Variants in STXBP6 observed in about 807,000 individuals in gnomAD.
STXBP6 encodes syntaxin-binding protein 6.
A neutral mutation model predicts 26.9 loss-of-function variants in STXBP6; 21 were observed. The observed-to-expected ratio is 0.78, with a 90% CI of 0.55 to 1.12. The LOEUF is 1.12. Ranked by LOEUF, STXBP6 falls within the 50% of genes most tolerant of loss-of-function variation. The pLI is 0.00. For missense variants in STXBP6, 232 were observed against 257.9 expected (o/e 0.90, Z 0.69); for synonymous variants, 97 against 92.6 (o/e 1.05, Z -0.27).
At chr14:25,040,059 T>A (rs554125360) in intron 1 of STXBP6, among the ~76,000 whole-genome samples, 7 of 152,160 alleles carry the variant, frequency 4.6e-5, no homozygotes, top group Non-Finnish European at 8.8e-5. Context: ...ACATAAAGGT[T>A]TAGAGGCACC....
At chr14:24,917,355 A>G (rs1288751542) in intron 2 of STXBP6, among the ~76,000 whole-genome samples, 1 of 152,098 alleles carries the variant, frequency 6.6e-6, no homozygotes, top group Admixed American at 6.6e-5. Flanking sequence ...GGACAGAAGG[A>G]TCACTGTAAC....
chr14:24,973,247 C>T (rs536443363), intron 2 of STXBP6, among the ~76,000 whole-genome samples: 7 of 152,268 alleles, frequency 4.6e-5, no homozygotes, highest in East Asian at 1.9e-4. Context: ...CACTGCTTAG[C>T]GCACTAAAGA....
At chr14:24,929,589 G>A (rs2139883003) in intron 2 of STXBP6, among the ~76,000 whole-genome samples, 1 of 152,336 alleles carries the variant, frequency 6.6e-6, no homozygotes, top group Admixed American at 6.5e-5. Flanking sequence ...ATAAACATTT[G>A]TCTGGTTTCC....
At chr14:24,977,143 C>T (rs2074070272) in intron 1 of STXBP6, among the ~76,000 whole-genome samples, 1 of 152,038 alleles carries the variant, frequency 6.6e-6, no homozygotes, top group African/African-American at 2.4e-5. Flanking sequence ...GGATTACAGG[C>T]ATGAGCCACC....
At chr14:24,899,014 T>C (rs1040806723) in intron 2 of STXBP6, among the ~76,000 whole-genome samples, 2 of 147,958 alleles carry the variant, frequency 1.4e-5, no homozygotes, top group African/African-American at 5.3e-5. Context: ...TCCCCAGAGG[T>C]TGGGGGTGGG....
chr14:25,049,565 C>T lies in STXBP6; in HGVS notation c.-33+313G>A. The T allele has an allele frequency of 1.0e-6, 1 of 985,500 alleles. No individual in the cohort carries two copies. Among genetic ancestry groups the T allele is most frequent in the Non-Finnish European group, 1.2e-6 (1 of 830,028 alleles). 61.0% of individuals were successfully genotyped at this position (985,500 alleles called of 1,614,324 possible). On this transcript the variant is annotated intron_variant, in intron 1 of 5. Transcript: ENST00000323944. The surrounding 1 kb of genome is among the most constrained non-coding windows in gnomAD (Gnocchi z 5.6). ...GCGGAAAAAAAGGCTCCATCCTCAA[C>T]TTTCTCGGAGGAAATCGCTCCGTTC...
chr14:24,898,611 A>G (rs1384027221), intron 2 of STXBP6, among the ~76,000 whole-genome samples: 1 of 152,164 alleles, frequency 6.6e-6, no homozygotes, highest in East Asian at 1.9e-4. Flanking sequence ...CAGGAAGCAG[A>G]GGTTGCAGTG....
intron 1 of STXBP6, among the ~76,000 whole-genome samples, chr14:25,011,446 T>C (rs1465449649): frequency 6.6e-6 from 1 of 152,230 alleles, no homozygotes; most frequent in Non-Finnish European, 1.5e-5. Flanking sequence ...ACACACTTCC[T>C]TTTCTCATGA....
intron 1 of STXBP6, chr14:24,995,026 A>C (rs1449782374): frequency 6.3e-6 from 1 of 158,284 alleles, no homozygotes; most frequent in Non-Finnish European, 1.4e-5. Context: ...AAAAAAAAAA[A>C]AAAACCACAC....
At chr14:24,868,402 C>T (rs2069800699) in intron 2 of STXBP6, among the ~76,000 whole-genome samples, 3 of 152,098 alleles carry the variant, frequency 2.0e-5, no homozygotes, top group African/African-American at 7.2e-5. Context: ...AGATATTATA[C>T]ACCTATTATT....
intron 4 of STXBP6, among the ~76,000 whole-genome samples, chr14:24,823,879 T>G (rs1316723763): frequency 2.0e-5 from 3 of 152,340 alleles, no homozygotes; most frequent in Admixed American, 1.3e-4. Context: ...ATATTTAATC[T>G]GTTTATAGGC....
intron 2 of STXBP6, among the ~76,000 whole-genome samples, chr14:24,967,170 T>C (rs938831663): frequency 1.3e-5 from 2 of 152,204 alleles, no homozygotes; most frequent in African/African-American, 4.8e-5. Context: ...AGTTTCCTCA[T>C]CTACAAATAA....
chr14:25,015,935 T>C (rs529578751), intron 1 of STXBP6, among the ~76,000 whole-genome samples: 1 of 152,218 alleles, frequency 6.6e-6, no homozygotes, highest in Non-Finnish European at 1.5e-5. Context: ...AGTGTGAACT[T>C]TGAACCAACT....
chr14:25,042,087 A>C (rs1011668246), intron 1 of STXBP6, among the ~76,000 whole-genome samples: 7 of 152,240 alleles, frequency 4.6e-5, no homozygotes, highest in African/African-American at 1.7e-4. Flanking sequence ...AAGAAAGAGG[A>C]TCCATCAACT....
chr14:25,009,235 TA>T (rs1478674577), intron 1 of STXBP6, among the ~76,000 whole-genome samples: 1 of 152,206 alleles, frequency 6.6e-6, no homozygotes, highest in Non-Finnish European at 1.5e-5. Context: ...AACAGTTCAA[TA>T]AATGGAGAAT....
intron 1 of STXBP6, among the ~76,000 whole-genome samples, chr14:24,988,282 C>CATTT (rs1184518550): frequency 6.6e-6 from 1 of 152,174 alleles, no homozygotes; most frequent in Non-Finnish European, 1.5e-5. Context: ...ATTCAACAAA[C>CATTT]ATTTAGTGAG....
chr14:24,882,838 T>G (rs2070424440), intron 2 of STXBP6, among the ~76,000 whole-genome samples: 1 of 152,220 alleles, frequency 6.6e-6, no homozygotes, highest in South Asian at 2.1e-4. Context: ...GTAATTCAAA[T>G]TTACGTATCT....
chr14:24,829,818 G>C (rs982424363), intron 4 of STXBP6, among the ~76,000 whole-genome samples: 1 of 152,090 alleles, frequency 6.6e-6, no homozygotes. Flanking sequence ...CTACGGTCTA[G>C]AAACAGGAGG....
intron 4 of STXBP6, among the ~76,000 whole-genome samples, chr14:24,835,769 T>G (rs1433544888): frequency 6.6e-6 from 1 of 152,256 alleles, no homozygotes; most frequent in East Asian, 1.9e-4. Context: ...TCCTATTTTC[T>G]GCTTTGGACT....
Sources: allele counts gnomAD v4.1 joint callset (sites outside exome capture counted in the v4.1 genomes callset), GRCh38; gene constraint gnomAD v4.1.1; non-coding constraint Gnocchi (gnomAD v3.1); transcripts MANE v1.5; gene names NCBI Gene and HGNC (gene_info 2026-07-23, HGNC 2026-07-21).